MDGA2: variants seen among roughly 807,000 people sequenced by gnomAD.
MDGA2 encodes the protein MAM domain containing glycosylphosphatidylinositol anchor 2, also known as MAM domain-containing glycosylphosphatidylinositol anchor protein 2.
Under a neutral mutation model 117.8 loss-of-function variants are expected in MDGA2, and 40 were observed. That is an observed-to-expected ratio of 0.34 (90% CI 0.26 to 0.44). MDGA2 has a LOEUF of 0.44. Among genes scored for constraint, MDGA2 ranks in the 20% least tolerant of loss-of-function variants. The pLI is 1.00. For synonymous variants in MDGA2, 452 were observed against 439.0 expected (o/e 1.03, Z -0.37); for missense variants, 1,123 against 1,250.6 (o/e 0.90, Z 1.54).
At chr14:47,144,624 A>G (rs1376730048) in intron 3 of MDGA2, among the ~76,000 whole-genome samples, 7 of 151,972 alleles carry the variant, frequency 4.6e-5, no homozygotes, top group Non-Finnish European at 7.4e-5. Flanking sequence ...AAAAAAATTA[A>G]TATCAGGCTG....
At position 47,000,379 on chromosome 14, in the gene MDGA2, A is replaced by G. The variant is rs907838988; in HGVS notation, c.1819+34632T>C. Among the ~76,000 whole-genome samples, 11 of 84,138 alleles carry G rather than the reference A, an allele frequency of 1.3e-4. No individual in the cohort carries two copies. The South Asian group carries it at 1.8e-3, about 14-fold the overall frequency. 55.2% of individuals were successfully genotyped at this position (84,138 alleles called of 152,430 possible). ...CACATATATATGTATATATATATTT[A>G]TATATATATATTTATATATAAATAT... On this transcript the variant is annotated intron_variant, in intron 8 of 16. Transcript: ENST00000399232.
intron 8 of MDGA2, among the ~76,000 whole-genome samples, chr14:47,029,910 C>G (rs565983978): frequency 2.0e-5 from 3 of 151,898 alleles, no homozygotes; most frequent in Non-Finnish European, 4.4e-5. Context: ...TCACTGCAAC[C>G]TCTACCTCCT....
At chr14:47,416,715 G>A (rs1892483308) in intron 1 of MDGA2, among the ~76,000 whole-genome samples, 1 of 152,174 alleles carries the variant, frequency 6.6e-6, no homozygotes, top group African/African-American at 2.4e-5. Flanking sequence ...CACCAGGAGA[G>A]ATGGCACTAT....
intron 14 of MDGA2, among the ~76,000 whole-genome samples, chr14:46,864,545 GTTTTTTTTTT>G (rs71112467): frequency 0.1 from 5,144 of 51,564 alleles, 417 homozygotes; most frequent in African/African-American, 0.28. Context: ...AGATATTGCT[GTTTTTTTTTT>G]TTTTTTTTTT....
chr14:46,854,770 T>C (rs944394749), intron 15 of MDGA2, among the ~76,000 whole-genome samples: 4 of 151,908 alleles, frequency 2.6e-5, no homozygotes, highest in African/African-American at 9.7e-5. Context: ...GATTACATTT[T>C]TTCCAGGAAA....
chr14:47,393,759 T>C (rs1166710750), intron 1 of MDGA2, among the ~76,000 whole-genome samples: 2 of 152,262 alleles, frequency 1.3e-5, no homozygotes, highest in Non-Finnish European at 2.9e-5. Flanking sequence ...CACCAGCTAT[T>C]TTTCCATCTT....
chr14:47,656,912 G>A (rs563343012), intron 1 of MDGA2, among the ~76,000 whole-genome samples: 3 of 152,188 alleles, frequency 2.0e-5, no homozygotes, highest in South Asian at 2.1e-4. Flanking sequence ...ACTATAGAGC[G>A]TCACGGAATC....
In MDGA2 at chr14:46,855,739, G is replaced by A. The variant is rs953131474; in HGVS notation, c.2753-585C>T. On this transcript the variant is annotated intron_variant, in intron 14 of 16. Coordinates refer to ENST00000399232, the MANE Select transcript of MDGA2 (RefSeq NM_001113498.3). This position sits in a 1 kb window ranked among gnomAD's most constrained non-coding sequence, Gnocchi z 4.1. Reference sequence around the variant, plus strand: ...TGTGTTGTTTTAGATCATGAAGTTGGTGATCATTTGTTATTTGTTACAGTA... The same window carrying A: ...TGTGTTGTTTTAGATCATGAAGTTGATGATCATTTGTTATTTGTTACAGTA... 2.0e-5 allele frequency among the ~76,000 whole-genome samples: 3 copies of A among 152,076 alleles called. No individual in the cohort carries two copies. Among genetic ancestry groups the A allele is most frequent in the African/African-American group, 7.2e-5 (3 of 41,424 alleles).
intron 1 of MDGA2, among the ~76,000 whole-genome samples, chr14:47,323,161 T>C (rs1346967073): frequency 3.4e-5 from 1 of 29,410 alleles, no homozygotes; most frequent in Non-Finnish European, 7.4e-5. Context: ...TATATATATA[T>C]ATATATATAT....
chr14:47,537,048 C>G (rs1036166162), intron 1 of MDGA2, among the ~76,000 whole-genome samples: 22 of 152,050 alleles, frequency 1.4e-4, no homozygotes, highest in African/African-American at 5.3e-4. Flanking sequence ...GAATGGCAGA[C>G]TTAACTGGTT....
intron 15 of MDGA2, among the ~76,000 whole-genome samples, chr14:46,852,438 C>A (rs2138292401): frequency 6.6e-6 from 1 of 150,762 alleles, no homozygotes; most frequent in South Asian, 2.1e-4. Flanking sequence ...GATGAGAGTT[C>A]AAAAAAACAA....
At chr14:47,030,153 T>C (rs1439906342) in intron 8 of MDGA2, among the ~76,000 whole-genome samples, 1 of 152,110 alleles carries the variant, frequency 6.6e-6, no homozygotes, top group Non-Finnish European at 1.5e-5. Flanking sequence ...TTAACATATA[T>C]ATTTGGAAAT....
chr14:46,873,840 A>G (rs1292057267), intron 13 of MDGA2: 1 of 574,078 alleles, frequency 1.7e-6, no homozygotes. Context: ...AAAAATTCCT[A>G]TTCTCTCTAC....
chr14:47,395,427 A>G (rs1304877939), intron 1 of MDGA2, among the ~76,000 whole-genome samples: 1 of 152,188 alleles, frequency 6.6e-6, no homozygotes, highest in African/African-American at 2.4e-5. Context: ...ATATCTACAT[A>G]CAATATTTCG....
intron 9 of MDGA2, among the ~76,000 whole-genome samples, chr14:46,927,245 T>C (rs923144430): frequency 1.3e-5 from 2 of 152,182 alleles, no homozygotes; most frequent in Non-Finnish European, 2.9e-5. Context: ...CTCATCGCTG[T>C]TATCTATATT....
At chr14:47,568,606 G>C (rs1371227799) in intron 1 of MDGA2, among the ~76,000 whole-genome samples, 1 of 152,044 alleles carries the variant, frequency 6.6e-6, no homozygotes, top group East Asian at 1.9e-4. Context: ...ACACTATTAA[G>C]CTTATATTTT....
At chr14:46,980,418 T>A (rs1886625942) in intron 8 of MDGA2, among the ~76,000 whole-genome samples, 1 of 152,166 alleles carries the variant, frequency 6.6e-6, no homozygotes, top group Non-Finnish European at 1.5e-5. Context: ...TGAGATAGAA[T>A]CTACTTCTAG....
At chr14:47,188,193 T>C (rs747612843) in intron 3 of MDGA2, among the ~76,000 whole-genome samples, 2 of 152,152 alleles carry the variant, frequency 1.3e-5, no homozygotes, top group African/African-American at 2.4e-5. Context: ...TGTCTTTGTA[T>C]AAGCTTTTCC....
intron 1 of MDGA2, among the ~76,000 whole-genome samples, chr14:47,605,029 G>T (rs781665547): frequency 4.0e-5 from 6 of 151,876 alleles, no homozygotes; most frequent in African/African-American, 1.5e-4. Flanking sequence ...TGCTGTGAAC[G>T]CATGCATAAC....
Sources: gnomAD v4.1 joint callset for allele counts (sites outside exome capture counted in the v4.1 genomes callset) on GRCh38, gnomAD v4.1.1 for gene constraint, Gnocchi (gnomAD v3.1) non-coding constraint, MANE v1.5 for transcripts, NCBI Gene and HGNC (gene_info 2026-07-23, HGNC 2026-07-21) for gene names.